The following OTUD7A variants were observed in gnomAD, a reference collection of about 807,000 sequenced individuals.
OTUD7A encodes the protein OTU domain-containing protein 7A.
A neutral mutation model predicts 65.7 loss-of-function variants in OTUD7A; 12 were observed. The ratio of observed to expected loss-of-function variants is 0.18; its 90% confidence interval spans 0.12 to 0.30. OTUD7A has a LOEUF of 0.30. Ranked by LOEUF, OTUD7A falls within the 10% of genes least tolerant of loss-of-function variation. The probability of loss-of-function intolerance (pLI) is 1.00; values close to 1 mark genes in which losing one functional copy is unlikely to be tolerated. For synonymous variants in OTUD7A, 641 were observed against 586.3 expected (o/e 1.09, Z -1.35); for missense variants, 1,148 against 1,304.8 (o/e 0.88, Z 1.85).
intron 1 of OTUD7A, among the ~76,000 whole-genome samples, chr15:31,809,095 G>A (rs1896355651): frequency 6.6e-6 from 1 of 151,976 alleles, no homozygotes; most frequent in Non-Finnish European, 1.5e-5. Context: ...TAGACTGCAG[G>A]GTCAGCTTCC....
intron 3 of OTUD7A, among the ~76,000 whole-genome samples, chr15:31,618,348 C>T (rs879087204): frequency 1.1e-4 from 16 of 152,332 alleles, no homozygotes; most frequent in Middle Eastern, 3.4e-3. Flanking sequence ...CCTGAGGAAT[C>T]GCCACACTGT....
chr15:31,596,295 G>A (rs1418752415), intron 3 of OTUD7A, among the ~76,000 whole-genome samples: 4 of 152,178 alleles, frequency 2.6e-5, no homozygotes, highest in Non-Finnish European at 4.4e-5. Flanking sequence ...AGTTTCATCT[G>A]TGTTGCAGCA....
intron 1 of OTUD7A, among the ~76,000 whole-genome samples, chr15:31,724,941 A>G (rs1197210158): frequency 6.6e-6 from 1 of 152,188 alleles, no homozygotes; most frequent in Non-Finnish European, 1.5e-5. Flanking sequence ...GAAATCTCCA[A>G]GAGGAATGTG....
chr15:31,867,755 A>G (rs1897915888), intron 1 of OTUD7A, among the ~76,000 whole-genome samples: 1 of 152,238 alleles, frequency 6.6e-6, no homozygotes, highest in Admixed American at 6.5e-5. Context: ...AAAGTGTGCT[A>G]AGAGCCACCT....
chr15:31,522,719 G>A (rs1283100060), intron 8 of OTUD7A, among the ~76,000 whole-genome samples: 1 of 152,134 alleles, frequency 6.6e-6, no homozygotes, highest in Non-Finnish European at 1.5e-5. Context: ...GGGAAGGCCT[G>A]GTTCTTCCAC....
At chr15:31,709,549 G>A (rs906782363) in intron 1 of OTUD7A, among the ~76,000 whole-genome samples, 2 of 152,274 alleles carry the variant, frequency 1.3e-5, no homozygotes, top group African/African-American at 2.4e-5. Flanking sequence ...GGAACCAGGA[G>A]GAGATGGGGT....
chr15:31,652,692 A>T (rs1238423340), intron 3 of OTUD7A, among the ~76,000 whole-genome samples: 5 of 148,988 alleles, frequency 3.4e-5, no homozygotes, highest in African/African-American at 4.8e-5. Context: ...ACGAAAGAGA[A>T]TAAAAAGATG....
At chr15:31,586,179 A>G (rs1889530625) in intron 3 of OTUD7A, among the ~76,000 whole-genome samples, 2 of 152,198 alleles carry the variant, frequency 1.3e-5, no homozygotes, top group South Asian at 4.1e-4. Context: ...AGAATGACCA[A>G]AGAAGGGAAA....
At chr15:31,824,035 G>A (rs1340427293) in intron 1 of OTUD7A, among the ~76,000 whole-genome samples, 4 of 152,150 alleles carry the variant, frequency 2.6e-5, no homozygotes, top group Non-Finnish European at 5.9e-5. Context: ...GGTTAGGTAG[G>A]CGAAAAGACG....
chr15:31,813,076 G>A (rs1050860936), intron 1 of OTUD7A, among the ~76,000 whole-genome samples: 2 of 152,290 alleles, frequency 1.3e-5, no homozygotes, highest in Middle Eastern at 3.4e-3. Context: ...CACCTGATGC[G>A]GCAGCTGTCA....
intron 1 of OTUD7A, chr15:31,767,964 G>T: frequency 2.7e-5 from 42 of 1,559,882 alleles, no homozygotes; most frequent in Non-Finnish European, 3.5e-5. Context: ...TCAATTATAC[G>T]ATTCTTAAGA....
chr15:31,737,049 T>A (rs1054407288), intron 1 of OTUD7A, among the ~76,000 whole-genome samples: 3 of 152,168 alleles, frequency 2.0e-5, no homozygotes, highest in African/African-American at 7.2e-5. Context: ...CTTGAACTCC[T>A]GGGCTCAGGC....
chr15:31,614,130 T>C (rs1890513530), intron 3 of OTUD7A, among the ~76,000 whole-genome samples: 1 of 152,004 alleles, frequency 6.6e-6, no homozygotes, highest in African/African-American at 2.4e-5. Flanking sequence ...AATGATACAA[T>C]GGACTTGTGG....
At position 31,487,145 on chromosome 15, in the gene OTUD7A, G is replaced by A. The variant is rs1400629821; in HGVS notation, c.1371+49C>T. 1.2e-5 allele frequency: 18 copies of A among 1,557,792 alleles called. No individual in the cohort carries two copies. The highest frequency in any genetic ancestry group is 1.5e-5 in the Non-Finnish European group (17 of 1,133,036). ...TGCACCCTGGTCAGACTGGAGCTGA[G>A]CAGCCTGGACCCTGCTGCCAGGTCT... is the stretch of plus-strand genomic sequence containing the variant. On this transcript the variant is annotated intron_variant, in intron 12 of 12. Coordinates refer to ENST00000307050, the MANE Select transcript of OTUD7A (RefSeq NM_001382637.1). The surrounding 1 kb of genome is among the most constrained non-coding windows in gnomAD (Gnocchi z 6.0).
At chr15:31,777,250 C>T (rs186900843) in intron 1 of OTUD7A, among the ~76,000 whole-genome samples, 88 of 152,268 alleles carry the variant, frequency 5.8e-4, no homozygotes, top group Middle Eastern at 3.4e-3. Flanking sequence ...CTTACAAGGG[C>T]GCTAATCTCA....
At chr15:31,766,703 G>C in intron 1 of OTUD7A, 3 of 1,608,006 alleles carry the variant, frequency 1.9e-6, no homozygotes, top group Non-Finnish European at 2.6e-6. Context: ...AACTCCTCTT[G>C]GTCTTGAACA....
intron 3 of OTUD7A, among the ~76,000 whole-genome samples, chr15:31,644,634 C>T (rs1891610975): frequency 6.6e-6 from 1 of 152,106 alleles, no homozygotes; most frequent in South Asian, 2.1e-4. Context: ...TGCCACCATG[C>T]CCAGCTAATT....
intron 1 of OTUD7A, among the ~76,000 whole-genome samples, chr15:31,782,586 C>A (rs1442391263): frequency 1.3e-5 from 2 of 152,176 alleles, no homozygotes; most frequent in Non-Finnish European, 2.9e-5. Flanking sequence ...GGTGACCCTG[C>A]AGGCCTGGTG....
At chr15:31,574,622 A>T (rs1246534822) in intron 3 of OTUD7A, among the ~76,000 whole-genome samples, 2 of 152,226 alleles carry the variant, frequency 1.3e-5, no homozygotes, top group Non-Finnish European at 2.9e-5. Flanking sequence ...CCACTTTATA[A>T]GGCAAAACTG....
Sources: gnomAD v4.1 joint callset for allele counts (sites outside exome capture counted in the v4.1 genomes callset) on GRCh38, gnomAD v4.1.1 for gene constraint, Gnocchi (gnomAD v3.1) non-coding constraint, MANE v1.5 for transcripts, NCBI Gene and HGNC (gene_info 2026-07-23, HGNC 2026-07-21) for gene names.